CCDC60: variants seen among roughly 807,000 people sequenced by gnomAD.
CCDC60 encodes coiled-coil domain containing 60.
A neutral mutation model predicts 63.5 loss-of-function variants in CCDC60; 54 were observed. The observed-to-expected ratio is 0.85, with a 90% CI of 0.68 to 1.07. The LOEUF is 1.07. CCDC60 is among the 50% of genes least tolerant of loss of function. The pLI, the probability that CCDC60 is intolerant of heterozygous loss-of-function variation, is 0.00. For missense variants in CCDC60, 651 were observed against 684.3 expected (o/e 0.95, Z 0.54); for synonymous variants, 206 against 238.8 (o/e 0.86, Z 1.27).
chr12:119,349,654 G>A (rs1015497110), intron 1 of CCDC60, among the ~76,000 whole-genome samples: 1 of 151,984 alleles, frequency 6.6e-6, no homozygotes, highest in Admixed American at 6.6e-5. Flanking sequence ...CGTGTTTCAA[G>A]GACACCCTGT....
intron 2 of CCDC60, among the ~76,000 whole-genome samples, chr12:119,461,230 A>G (rs1950851526): frequency 6.6e-6 from 1 of 152,158 alleles, no homozygotes; most frequent in Non-Finnish European, 1.5e-5. Flanking sequence ...TAAACTCATT[A>G]TCTTTACTGT....
At chr12:119,496,850 T>C (rs988614368) in intron 5 of CCDC60, among the ~76,000 whole-genome samples, 15 of 152,194 alleles carry the variant, frequency 9.9e-5, no homozygotes, top group African/African-American at 3.6e-4. Flanking sequence ...CTGGCCTTGA[T>C]ACTCGGAGAC....
chr12:119,446,719 G>A (rs1369003218), intron 2 of CCDC60, among the ~76,000 whole-genome samples: 1 of 151,472 alleles, frequency 6.6e-6, no homozygotes, highest in Non-Finnish European at 1.5e-5. Flanking sequence ...CTGTGTGGAT[G>A]TGTGTGTTTG....
intron 1 of CCDC60, among the ~76,000 whole-genome samples, chr12:119,421,050 A>G (rs1956804076): frequency 6.6e-6 from 1 of 151,270 alleles, no homozygotes; most frequent in South Asian, 2.1e-4. Flanking sequence ...TTCCCCGCTC[A>G]CCCCTCGACG....
chr12:119,530,085 C>T (rs1170553190), intron 12 of CCDC60, among the ~76,000 whole-genome samples: 3 of 152,104 alleles, frequency 2.0e-5, no homozygotes, highest in Non-Finnish European at 4.4e-5. Context: ...TACTGAATAA[C>T]TCAGACAAGT....
chr12:119,382,829 G>C (rs1956022060), intron 1 of CCDC60, among the ~76,000 whole-genome samples: 1 of 152,182 alleles, frequency 6.6e-6, no homozygotes, highest in African/African-American at 2.4e-5. Flanking sequence ...GGGCCACCAA[G>C]CTGTGACTAT....
chr12:119,453,737 G>A (rs1219023413), intron 2 of CCDC60, among the ~76,000 whole-genome samples: 1 of 152,074 alleles, frequency 6.6e-6, no homozygotes, highest in Admixed American at 6.6e-5. Context: ...GTACCAGAAG[G>A]CATTCATGGT....
At chr12:119,483,018 T>C (rs1228070105) in intron 4 of CCDC60, among the ~76,000 whole-genome samples, 3 of 152,124 alleles carry the variant, frequency 2.0e-5, no homozygotes, top group East Asian at 3.8e-4. Context: ...ATGACAGTGA[T>C]GATGATGGTG....
At chr12:119,489,489 C>T (rs992837477) in intron 5 of CCDC60, among the ~76,000 whole-genome samples, 2 of 152,094 alleles carry the variant, frequency 1.3e-5, no homozygotes, top group East Asian at 1.9e-4. Context: ...TCAAGAGAAG[C>T]GTTAGGTGTC....
In CCDC60 at chr12:119,410,753, T is replaced by C. The variant is rs1001954380; in HGVS notation, c.91-17930T>C. Among the ~76,000 whole-genome samples the C allele has an allele frequency of 6.6e-6, 1 of 151,896 alleles. No homozygotes were observed. The highest frequency in any genetic ancestry group is 1.5e-5 in the Non-Finnish European group (1 of 67,992). On this transcript the variant is annotated intron_variant, in intron 1 of 13. Coordinates refer to ENST00000327554, the MANE Select transcript of CCDC60 (RefSeq NM_178499.5). The surrounding 1 kb of genome is among the most constrained non-coding windows in gnomAD (Gnocchi z 4.0). ...TATTAATGAAAGAAAAGCATAACAA[T>C]TTTTTTTGAGACAGAGTCTCGCTCT...
At chr12:119,386,184 C>T (rs1171382800) in intron 1 of CCDC60, among the ~76,000 whole-genome samples, 3 of 152,146 alleles carry the variant, frequency 2.0e-5, no homozygotes, top group Non-Finnish European at 4.4e-5. Context: ...CCTTGCAGCT[C>T]GGCTGTTGGA....
chr12:119,368,720 C>G (rs1035917559), intron 1 of CCDC60, among the ~76,000 whole-genome samples: 1 of 152,176 alleles, frequency 6.6e-6, no homozygotes, highest in Non-Finnish European at 1.5e-5. Flanking sequence ...GTAATTAACA[C>G]AGGTTCATGA....
chr12:119,441,242 C>T (rs1425233722), intron 2 of CCDC60, among the ~76,000 whole-genome samples: 1 of 152,102 alleles, frequency 6.6e-6, no homozygotes, highest in African/African-American at 2.4e-5. Context: ...CTGGGATTTC[C>T]ATATTTATTT....
intron 5 of CCDC60, among the ~76,000 whole-genome samples, chr12:119,489,805 CTTT>C (rs764715710): frequency 6.9e-6 from 1 of 144,450 alleles, no homozygotes. Context: ...AAACCTGAGT[CTTT>C]TTTTTTTTTA....
intron 7 of CCDC60, 77 bp from the exon 8 acceptor site, chr12:119,516,546 G>A (rs1419711430): frequency 3.1e-6 from 3 of 971,946 alleles, no homozygotes; most frequent in Admixed American, 2.1e-5. Context: ...CCCAGTTTGG[G>A]GGGCTGCACC....
chr12:119,396,216 G>A (rs910865685), intron 1 of CCDC60, among the ~76,000 whole-genome samples: 2 of 152,156 alleles, frequency 1.3e-5, no homozygotes, highest in African/African-American at 2.4e-5. Context: ...GGGACTACAA[G>A]CGTGAGCCAC....
rs183426963 is a variant in CCDC60 at position 119,446,787 on chromosome 12, T to A, written c.170+18025T>A. Among the ~76,000 whole-genome samples the A allele has an allele frequency of 6.6e-5, 10 of 152,244 alleles. No homozygotes were observed. The East Asian group carries it at 1.5e-3, about 23-fold the overall frequency. The stretch of plus-strand genomic sequence containing the variant: ...TAAGTTTTTTGTTTTTGTTTTTTTT[T>A]AATTTGTACCCTTTGGATATTTTTG... On this transcript the variant is annotated intron_variant, in intron 2 of 13. Transcript: ENST00000327554.
chr12:119,398,488 A>G (rs1205162427), intron 1 of CCDC60, among the ~76,000 whole-genome samples: 6 of 152,220 alleles, frequency 3.9e-5, no homozygotes, highest in Non-Finnish European at 7.3e-5. Flanking sequence ...GGGCTCCCAC[A>G]GTGCAGCTCA....
chr12:119,379,139 CT>C (rs1178863050), intron 1 of CCDC60, among the ~76,000 whole-genome samples: 2 of 152,232 alleles, frequency 1.3e-5, no homozygotes, highest in African/African-American at 4.8e-5. Flanking sequence ...CATGCCAGAC[CT>C]TTGCTAGGAA....
Sources: gnomAD v4.1 joint callset for allele counts (sites outside exome capture counted in the v4.1 genomes callset) on GRCh38, gnomAD v4.1.1 for gene constraint, Gnocchi (gnomAD v3.1) non-coding constraint, MANE v1.5 for transcripts, NCBI Gene and HGNC (gene_info 2026-07-23, HGNC 2026-07-21) for gene names.